The following IL1RAPL1 variants were observed in gnomAD, a reference collection of about 807,000 sequenced individuals.
The protein encoded by IL1RAPL1 is interleukin 1 receptor accessory protein like 1, also known as interleukin-1 receptor accessory protein-like 1.
IL1RAPL1 carries 3 observed loss-of-function variants against 48.4 expected under a neutral mutation model. The observed-to-expected ratio is 0.06, with a 90% CI of 0.03 to 0.16. The LOEUF is 0.16. IL1RAPL1 is among the 10% of genes least tolerant of loss of function. IL1RAPL1 has a pLI of 1.00. For missense variants in IL1RAPL1, 349 were observed against 530.6 expected (o/e 0.66, Z 3.36); for synonymous variants, 185 against 187.7 (o/e 0.99, Z 0.12).
chrX:29,208,624 TG>T (rs1285985322), intron 2 of IL1RAPL1, among the ~76,000 whole-genome samples: 3 of 108,247 alleles, frequency 2.8e-5, no homozygotes, highest in Non-Finnish European at 3.8e-5. Context: ...GCCAGGAGAA[TG>T]GCGTGAACCC....
chrX:29,392,989 T>G (rs1190847829), intron 3 of IL1RAPL1, among the ~76,000 whole-genome samples: 2 of 112,017 alleles, frequency 1.8e-5, no homozygotes, highest in Admixed American at 9.5e-5. Context: ...GATAATAAGA[T>G]CTAACGCTTA....
intron 2 of IL1RAPL1, among the ~76,000 whole-genome samples, chrX:29,186,708 T>C (rs1930258497): frequency 9.0e-6 from 1 of 111,445 alleles, no homozygotes. Context: ...ATGATAATAA[T>C]AGGTATTTAC....
intron 5 of IL1RAPL1, among the ~76,000 whole-genome samples, chrX:29,399,652 C>G (rs758071741): frequency 9.1e-6 from 1 of 110,472 alleles, no homozygotes; most frequent in South Asian, 3.9e-4. Flanking sequence ...AACCCTGTGT[C>G]TACTAAAAAT....
chrX:29,391,781 G>GCTAA (rs1395327498), intron 3 of IL1RAPL1, among the ~76,000 whole-genome samples: 1 of 111,565 alleles, frequency 9.0e-6, no homozygotes, highest in Non-Finnish European at 1.9e-5. Flanking sequence ...GTCTATGTGT[G>GCTAA]CTAACCCAGC....
At chrX:29,622,366 C>G (rs1297525843) in intron 5 of IL1RAPL1, among the ~76,000 whole-genome samples, 1 of 112,340 alleles carries the variant, frequency 8.9e-6, no homozygotes, top group Non-Finnish European at 1.9e-5. Flanking sequence ...TCTTGGTTTG[C>G]TCTCATTCCA....
intron 2 of IL1RAPL1, among the ~76,000 whole-genome samples, chrX:28,951,055 A>C (rs1386218132): frequency 2.3e-5 from 2 of 87,289 alleles, no homozygotes; most frequent in Non-Finnish European, 4.4e-5. Flanking sequence ...TCTCACTCAT[A>C]GGTGGGAATT....
chrX:29,250,984 C>A (rs1931595193), intron 2 of IL1RAPL1, among the ~76,000 whole-genome samples: 1 of 112,300 alleles, frequency 8.9e-6, no homozygotes, highest in Admixed American at 9.4e-5. Context: ...AGCCAGGAAA[C>A]ATTTTTTTGG....
chrX:29,026,635 A>G (rs978684497), intron 2 of IL1RAPL1, among the ~76,000 whole-genome samples: 1 of 112,180 alleles, frequency 8.9e-6, no homozygotes, highest in Non-Finnish European at 1.9e-5. Flanking sequence ...TTCATCAAAT[A>G]TCCTGTATTT....
chrX:29,250,229 C>A (rs1931581738), intron 2 of IL1RAPL1, among the ~76,000 whole-genome samples: 1 of 111,308 alleles, frequency 9.0e-6, no homozygotes, highest in South Asian at 3.7e-4. Context: ...AAAATAAGTC[C>A]TAAAGGGAAT....
intron 6 of IL1RAPL1, among the ~76,000 whole-genome samples, chrX:29,891,001 G>C (rs1391265288): frequency 8.9e-6 from 1 of 111,882 alleles, no homozygotes; most frequent in Non-Finnish European, 1.9e-5. Context: ...TAGATTCTTG[G>C]TTTCTCAGCT....
At chrX:28,618,314 T>C (rs181975003) in intron 1 of IL1RAPL1, among the ~76,000 whole-genome samples, 142 of 112,567 alleles carry the variant, frequency 1.3e-3, no homozygotes, top group African/African-American at 4.3e-3. Context: ...ACAATAATTC[T>C]AAACTGAAGC....
chrX:28,908,229 T>C (rs1446578202), intron 2 of IL1RAPL1, among the ~76,000 whole-genome samples: 2 of 111,471 alleles, frequency 1.8e-5, no homozygotes, highest in Non-Finnish European at 3.8e-5. Context: ...TAAATTTTGA[T>C]GTTTATATTC....
chrX:29,544,869 T>G (rs951514395), intron 5 of IL1RAPL1, among the ~76,000 whole-genome samples: 3 of 110,130 alleles, frequency 2.7e-5, no homozygotes, highest in Non-Finnish European at 3.8e-5. Context: ...AGATTGCTTT[T>G]AAAGAGGTAA....
intron 6 of IL1RAPL1, among the ~76,000 whole-genome samples, chrX:29,802,980 C>G (rs189031515): frequency 7.8e-3 from 315 of 40,188 alleles, no homozygotes; most frequent in African/African-American, 8.8e-3. Context: ...TATATACATA[C>G]ATGTGTACAT....
At chrX:29,922,427 A>C (rs1267633171) in intron 8 of IL1RAPL1, among the ~76,000 whole-genome samples, 1 of 112,002 alleles carries the variant, frequency 8.9e-6, no homozygotes, top group Non-Finnish European at 1.9e-5. Flanking sequence ...TAACAAGCCA[A>C]AAAAAGGTCC....
At chrX:28,637,367 TC>T (rs975254516) in intron 1 of IL1RAPL1, among the ~76,000 whole-genome samples, 1 of 111,637 alleles carries the variant, frequency 9.0e-6, no homozygotes, top group African/African-American at 3.3e-5. Context: ...AGATATAAAA[TC>T]CCAGTCACTT....
At chrX:28,914,828 C>T (rs931789143) in intron 2 of IL1RAPL1, among the ~76,000 whole-genome samples, 1 of 112,415 alleles carries the variant, frequency 8.9e-6, no homozygotes, top group Non-Finnish European at 1.9e-5. Context: ...GATGAACTTT[C>T]CATTAATAAA....
chrX:29,731,691 C>T (rs771633838), intron 6 of IL1RAPL1, among the ~76,000 whole-genome samples: 3 of 112,321 alleles, frequency 2.7e-5, no homozygotes, highest in Non-Finnish European at 5.6e-5. Flanking sequence ...CGTGCTCTGA[C>T]AGAAAAACTA....
At chrX:29,225,567 G>T (rs1003085008) in intron 2 of IL1RAPL1, among the ~76,000 whole-genome samples, 1 of 112,149 alleles carries the variant, frequency 8.9e-6, no homozygotes, top group Non-Finnish European at 1.9e-5. Flanking sequence ...ATAGGAGAGA[G>T]TTTCATCTCA....
Sources: allele counts gnomAD v4.1 joint callset (sites outside exome capture counted in the v4.1 genomes callset), GRCh38; gene constraint gnomAD v4.1.1; transcripts MANE v1.5; gene names NCBI Gene and HGNC (gene_info 2026-07-23, HGNC 2026-07-21).